Variants in ATP6V1C1 observed in about 807,000 individuals in gnomAD.
ATP6V1C1 encodes the protein ATPase H+ transporting V1 subunit C1, also known as V-type proton ATPase subunit C 1.
In ATP6V1C1, 45 loss-of-function variants were observed where a neutral mutation model predicts 53.9. The observed-to-expected ratio is 0.83, with a 90% CI of 0.66 to 1.07. ATP6V1C1 has a LOEUF of 1.07. Ranked by LOEUF, ATP6V1C1 falls within the 50% of genes least tolerant of loss-of-function variation. ATP6V1C1 has a pLI of 0.00. For synonymous variants in ATP6V1C1, 153 were observed against 155.2 expected, an observed-to-expected ratio of 0.99 and a Z score of 0.11; for missense variants, 315 against 440.3, an observed-to-expected ratio of 0.72 and a Z score of 2.55.
In ATP6V1C1 at chr8:103,070,266, T is replaced by C. The variant is rs1817563869; in HGVS notation, c.*1519T>C. The C allele has an allele frequency of 6.6e-6, 1 of 152,256 alleles. No individual in the cohort carries two copies. 9.4% of individuals were successfully genotyped at this position (152,256 alleles called of 1,614,324 possible). On this transcript the variant is annotated 3_prime_UTR_variant, in exon 13 of 13. Transcript: ENST00000518738. ...TTTAGTTTTTGCTCTTAACAAACAC[T>C]GCTGCAGTCAGCATCCTTGCACAGA...
rs148532533 is a variant in ATP6V1C1 at position 103,049,202 on chromosome 8, C to A, written c.286+247C>A. Among the ~76,000 whole-genome samples, 309 of 152,292 alleles carry A rather than the reference C, an allele frequency of 2.0e-3. 4 individuals are homozygous for A. Among genetic ancestry groups the A allele is most frequent in the African/African-American group, 7.0e-3 (293 of 41,574 alleles). On this transcript the variant is annotated intron_variant, in intron 4 of 12. Transcript: ENST00000518738. ...TAGCTTATAATATGATGCCAAGTCT[C>A]CTGCAAGAGCAGTATTGTAAAGGTT...
intron 8 of ATP6V1C1, among the ~76,000 whole-genome samples, chr8:103,057,267 G>C (rs1586324289): frequency 6.6e-6 from 1 of 152,210 alleles, no homozygotes; most frequent in South Asian, 2.1e-4. Flanking sequence ...CCTGCAGTGA[G>C]CCTCATTGGT....
Position 103,052,742 on chromosome 8 carries a change from G to T in ATP6V1C1, c.393G>T (p.Gln131His). ...ISEIIAKGVT[Q>H]IDNDLKSRAS... is the part of the protein sequence containing the mutation. ...TTTCTTTTTCAAAGGGAGTAACTCA[G>T]ATTGATAATGACCTGAAATCTCGAG... Residue 131 changes from glutamine (Q) to histidine (H), a missense_variant, in exon 6 of 13, where the codon CAG becomes CAT. Gln to His is a conservative substitution (Grantham distance 24). Transcript: ENST00000518738. 1 of 1,589,070 alleles carries T rather than the reference G, an allele frequency of 6.3e-7. No individual in the cohort carries two copies. Among genetic ancestry groups the T allele is most frequent in the South Asian group, 1.1e-5 (1 of 87,496 alleles).
At chr8:103,066,605 A>G (rs1817495623) in intron 12 of ATP6V1C1, among the ~76,000 whole-genome samples, 158 bp downstream of exon 12, 1 of 152,166 alleles carries the variant, frequency 6.6e-6, no homozygotes, top group Non-Finnish European at 1.5e-5. Context: ...AGTAATTTAC[A>G]TTGTTTACCC....
intron 10 of ATP6V1C1, 95 bp downstream of exon 10, chr8:103,063,323 G>A: frequency 2.5e-6 from 2 of 806,000 alleles, no homozygotes; most frequent in South Asian, 4.3e-5. Context: ...AATCTGCTTT[G>A]GTTTTAAGAC....
At chr8:103,040,662 A>C (rs1395090544) in intron 1 of ATP6V1C1, 136 bp from the exon 2 acceptor site, 5 of 677,108 alleles carry the variant, frequency 7.4e-6, no homozygotes, top group Non-Finnish European at 6.7e-6. Flanking sequence ...GGTAAATTTC[A>C]CTTTGCTTGA....
rs779786233 is a variant in ATP6V1C1 at position 103,070,116 on chromosome 8, A to G, written c.*1369A>G. 6.6e-6 allele frequency: 1 copy of G among 152,214 alleles called. No individual in the cohort carries two copies. The highest frequency in any genetic ancestry group is 2.1e-4 in the South Asian group (1 of 4,834). 9.4% of individuals were successfully genotyped at this position (152,214 alleles called of 1,614,324 possible). A position where few individuals can be genotyped will look rare whatever the true frequency, so the allele number is the denominator to read the frequency against. On this transcript the variant is annotated 3_prime_UTR_variant, in exon 13 of 13. Coordinates refer to ENST00000518738, the MANE Select transcript of ATP6V1C1 (RefSeq NM_001695.5). ...GTCACTTGCTTTTTTGCTTAAGAGT[A>G]TATCTAAGAGAATCCTTTGTGTCAG... is the stretch of plus-strand genomic sequence containing the variant.
intron 8 of ATP6V1C1, among the ~76,000 whole-genome samples, chr8:103,056,802 G>A (rs1451417862): frequency 6.6e-6 from 1 of 152,184 alleles, no homozygotes; most frequent in Non-Finnish European, 1.5e-5. Flanking sequence ...GCAGCAGGGT[G>A]GAAGATATAG....
In ATP6V1C1 at chr8:103,040,845, G is replaced by C. The variant is rs770691658; in HGVS notation, c.9G>C (p.Glu3Asp). Residue 3 changes from glutamate (E) to aspartate (D), a missense_variant, in exon 2 of 13, where the codon GAG becomes GAC. By Grantham distance (45) the Glu-to-Asp change is conservative. Coordinates refer to ENST00000518738, the MANE Select transcript of ATP6V1C1 (RefSeq NM_001695.5). ...AATACCTAGTAACAAACATGACTGA[G>C]TTCTGGCTTATATCTGCTCCTGGGG... The part of the protein sequence containing the change: MT[E>D]FWLISAPGEK... 5 of 1,613,960 alleles carry C rather than the reference G, an allele frequency of 3.1e-6. No individual in the cohort carries two copies. Among genetic ancestry groups the C allele is most frequent in the Non-Finnish European group, 3.4e-6 (4 of 1,179,922 alleles).
At chr8:103,064,940 A>T in intron 11 of ATP6V1C1, 129 bp downstream of exon 11, 1 of 705,966 alleles carries the variant, frequency 1.4e-6, no homozygotes, top group Non-Finnish European at 2.3e-6. Context: ...ATCATGAGAC[A>T]GAGATTATCA....
intron 1 of ATP6V1C1, among the ~76,000 whole-genome samples, chr8:103,036,105 G>C (rs1430040767): frequency 6.6e-6 from 1 of 152,174 alleles, no homozygotes; most frequent in Non-Finnish European, 1.5e-5. Context: ...TCAAATAGGA[G>C]AGCCCAGGTG....
At chr8:103,046,637 C>T (rs190271386) in intron 3 of ATP6V1C1, among the ~76,000 whole-genome samples, 135 of 152,288 alleles carry the variant, frequency 8.9e-4, no homozygotes, top group African/African-American at 3.2e-3. Flanking sequence ...TCGGCAAGCA[C>T]ATCTTCTTCA....
chr8:103,057,737 A>G (rs1353925167), intron 8 of ATP6V1C1, among the ~76,000 whole-genome samples: 3 of 152,232 alleles, frequency 2.0e-5, no homozygotes, highest in Non-Finnish European at 4.4e-5. Flanking sequence ...TTTAAGACTT[A>G]ATGGAGTATT....
Position 103,066,455 on chromosome 8 carries a change from C to A in ATP6V1C1, c.1053+8C>A. 6.4e-7 allele frequency: 1 copy of A among 1,574,410 alleles called. No individual in the cohort carries two copies. Among genetic ancestry groups the A allele is most frequent in the South Asian group, 1.2e-5 (1 of 83,754 alleles). ...GCAGCAGCTATTATTGATGTAAGTA[C>A]TTATTAGCCCAGTAGAGTAAGAATT... On this transcript the variant is annotated splice_region_variant and intron_variant, in intron 12 of 12. Coordinates refer to ENST00000518738, the MANE Select transcript of ATP6V1C1 (RefSeq NM_001695.5).
intron 1 of ATP6V1C1, among the ~76,000 whole-genome samples, chr8:103,032,506 T>A (rs1371194676): frequency 6.6e-6 from 1 of 152,136 alleles, no homozygotes; most frequent in Admixed American, 6.6e-5. Context: ...TTCTTTTCTT[T>A]CTTTCCTCAC....
chr8:103,062,794 A>G (rs1817424606), intron 8 of ATP6V1C1, among the ~76,000 whole-genome samples, 161 bp from the exon 9 acceptor site: 1 of 152,246 alleles, frequency 6.6e-6, no homozygotes, highest in Non-Finnish European at 1.5e-5. Context: ...AACATTCAGT[A>G]TCTTCGGTGT....
intron 5 of ATP6V1C1, among the ~76,000 whole-genome samples, chr8:103,052,317 A>T (rs973701465): frequency 2.0e-5 from 3 of 152,120 alleles, no homozygotes; most frequent in African/African-American, 7.2e-5. Flanking sequence ...TTTTAATTTC[A>T]TAGAAAAATA....
At chr8:103,043,054 C>T (rs530041547) in intron 3 of ATP6V1C1, among the ~76,000 whole-genome samples, 1 of 152,182 alleles carries the variant, frequency 6.6e-6, no homozygotes, top group South Asian at 2.1e-4. Flanking sequence ...TGCTGCTGTG[C>T]ATATTTGTGT....
At position 103,071,119 on chromosome 8, in the gene ATP6V1C1, T is replaced by G. The variant is rs1234538648; in HGVS notation, c.*2372T>G. On this transcript the variant is annotated 3_prime_UTR_variant, in exon 13 of 13. Transcript: ENST00000518738. ...TGTCTAACATAACAACAGAGCAGTT[T>G]GTGTCACTGAGCTCCAGTCTGTGCT... 1.3e-5 allele frequency: 2 copies of G among 152,208 alleles called. No individual in the cohort carries two copies. The highest frequency in any genetic ancestry group is 2.9e-5 in the Non-Finnish European group (2 of 68,046). The allele number at this position is 152,208 out of a possible 1,614,324, so 9.4% of individuals were successfully genotyped here.
Sources: gnomAD v4.1 joint callset for allele counts (sites outside exome capture counted in the v4.1 genomes callset) on GRCh38, gnomAD v4.1.1 for gene constraint, MANE v1.5 for transcripts, NCBI Gene and HGNC (gene_info 2026-07-23, HGNC 2026-07-21) for gene names.